Variants in KLHL1 observed in about 807,000 individuals in gnomAD.
KLHL1 encodes kelch like family member 1.
A neutral mutation model predicts 77.7 loss-of-function variants in KLHL1; 47 were observed. The ratio of observed to expected loss-of-function variants is 0.60; its 90% CI spans 0.48 to 0.77. The LOEUF (loss-of-function observed/expected upper bound fraction) is 0.77, where lower values mean the gene tolerates loss of function less well. KLHL1 is among the 30% of genes least tolerant of loss of function. The pLI, the probability that KLHL1 is intolerant of heterozygous loss-of-function variation, is 0.00. For synonymous variants in KLHL1, 360 were observed against 325.2 expected (o/e 1.11, Z -1.15); for missense variants, 925 against 910.8 (o/e 1.02, Z -0.20).
chr13:70,009,881 C>A (rs796274277), intron 1 of KLHL1, among the ~76,000 whole-genome samples: 10 of 151,410 alleles, frequency 6.6e-5, no homozygotes, highest in East Asian at 1.9e-4. Flanking sequence ...AGAAAAAAAA[C>A]CAAGTTGTGA....
intron 9 of KLHL1, among the ~76,000 whole-genome samples, chr13:69,710,334 T>G (rs1031439192): frequency 2.1e-4 from 32 of 152,024 alleles, no homozygotes; most frequent in African/African-American, 7.2e-4. Context: ...TTAATGCGTT[T>G]GTTGGAAAAT....
Position 70,038,579 on chromosome 13 carries a change from TAA to T in KLHL1, c.498-62779_498-62778del, listed in dbSNP as rs1478959477. 1.1e-3 allele frequency among the ~76,000 whole-genome samples: 140 copies of T among 125,402 alleles called. 4 individuals carry two copies. The East Asian group carries it at 0.028, about 25-fold the overall frequency. The allele number at this position is 125,402 out of a possible 152,430, so 82.3% of individuals were successfully genotyped here. On this transcript the variant is annotated intron_variant, in intron 1 of 10. Transcript: ENST00000377844. The stretch of plus-strand genomic sequence containing the variant: ...CTTTGCCAGCATTTGGGATTGTCAT[TAA>T]TTTTTTTTTTTTTTTTTTTTTTTTG...
At chr13:70,003,386 T>C (rs1451406193) in intron 1 of KLHL1, among the ~76,000 whole-genome samples, 1 of 151,736 alleles carries the variant, frequency 6.6e-6, no homozygotes, top group Non-Finnish European at 1.5e-5. Context: ...GTGTGGAGTT[T>C]AGAGGAGAAA....
intron 6 of KLHL1, among the ~76,000 whole-genome samples, chr13:69,814,025 C>T (rs1277753126): frequency 2.0e-5 from 3 of 152,086 alleles, no homozygotes; most frequent in African/African-American, 7.2e-5. Context: ...ACCAAAACAG[C>T]ATGGCACTAG....
chr13:69,831,404 T>C (rs1394125639), intron 6 of KLHL1, among the ~76,000 whole-genome samples: 2 of 149,508 alleles, frequency 1.3e-5, no homozygotes, highest in Admixed American at 6.7e-5. Context: ...CAGGAAGAAA[T>C]AGAAACTCTG....
chr13:69,992,384 T>C (rs1885048691), intron 1 of KLHL1, among the ~76,000 whole-genome samples: 1 of 151,974 alleles, frequency 6.6e-6, no homozygotes, highest in African/African-American at 2.4e-5. Context: ...TGATAAGTGC[T>C]GACATAATAT....
chr13:70,086,286 A>AC (rs1887534568), intron 1 of KLHL1, among the ~76,000 whole-genome samples: 1 of 151,462 alleles, frequency 6.6e-6, no homozygotes, highest in Non-Finnish European at 1.5e-5. Flanking sequence ...AGTTTCAAAA[A>AC]AAAAAAGTAG....
intron 1 of KLHL1, among the ~76,000 whole-genome samples, chr13:69,981,004 C>T (rs17086090): frequency 0.15 from 23,165 of 152,036 alleles, 3,757 homozygotes; most frequent in African/African-American, 0.41. Flanking sequence ...ATAGCTACCA[C>T]TAAATAAACA....
chr13:69,707,111 G>A (rs1875662089), intron 10 of KLHL1, among the ~76,000 whole-genome samples: 1 of 151,874 alleles, frequency 6.6e-6, no homozygotes, highest in Non-Finnish European at 1.5e-5. Flanking sequence ...AATTGAACTG[G>A]GATTTTTAAA....
chr13:69,919,099 T>C (rs932937275), intron 4 of KLHL1, among the ~76,000 whole-genome samples: 4 of 152,198 alleles, frequency 2.6e-5, no homozygotes, highest in Non-Finnish European at 5.9e-5. Flanking sequence ...AATGGTCTAA[T>C]TCGGCATTTT....
At chr13:69,963,041 A>T (rs1335490139) in intron 2 of KLHL1, among the ~76,000 whole-genome samples, 1 of 152,052 alleles carries the variant, frequency 6.6e-6, no homozygotes, top group Non-Finnish European at 1.5e-5. Flanking sequence ...TTAGAGCCTA[A>T]CATTTATTTG....
intron 5 of KLHL1, among the ~76,000 whole-genome samples, chr13:69,857,999 A>G (rs1284049128): frequency 6.6e-6 from 1 of 152,114 alleles, no homozygotes; most frequent in Non-Finnish European, 1.5e-5. Context: ...GAATTTAAAC[A>G]ATAACTGGTT....
In KLHL1 at chr13:69,749,938, T is replaced by A. The variant is rs572163761; in HGVS notation, c.1640-9382A>T. On this transcript the variant is annotated intron_variant, in intron 7 of 10. Coordinates refer to ENST00000377844, the MANE Select transcript of KLHL1 (RefSeq NM_020866.3). ...AAAGGGTTTTAATTATGCAAAATAA[T>A]AACAATGAAAAGCTAATTTTTAGTA... is the stretch of plus-strand genomic sequence containing the variant. Among the ~76,000 whole-genome samples the A allele has an allele frequency of 2.0e-4, 31 of 152,044 alleles. 1 individual carries two copies. Among genetic ancestry groups the A allele is most frequent in the South Asian group, 1.0e-3 (5 of 4,832 alleles).
chr13:69,923,007 A>G (rs1270508021), intron 4 of KLHL1, among the ~76,000 whole-genome samples: 1 of 152,222 alleles, frequency 6.6e-6, no homozygotes, highest in East Asian at 1.9e-4. Context: ...TACATAATGA[A>G]TTATTTAAAG....
At chr13:69,733,302 T>C (rs1593782398) in intron 8 of KLHL1, among the ~76,000 whole-genome samples, 1 of 152,140 alleles carries the variant, frequency 6.6e-6, no homozygotes, top group African/African-American at 2.4e-5. Flanking sequence ...AAATAATATC[T>C]ATTGAATTTT....
chr13:70,105,164 T>C (rs1048882373), intron 1 of KLHL1, among the ~76,000 whole-genome samples: 1 of 152,028 alleles, frequency 6.6e-6, no homozygotes, highest in Non-Finnish European at 1.5e-5. Flanking sequence ...AAAGATGATT[T>C]TGGTTGGTAG....
chr13:70,061,497 G>T (rs1333658570), intron 1 of KLHL1, among the ~76,000 whole-genome samples: 1 of 152,060 alleles, frequency 6.6e-6, no homozygotes, highest in African/African-American at 2.4e-5. Context: ...AGCATATTGT[G>T]CTCACTCTCT....
chr13:69,996,661 T>C (rs1251295876), intron 1 of KLHL1, among the ~76,000 whole-genome samples: 1 of 152,070 alleles, frequency 6.6e-6, no homozygotes, highest in Admixed American at 6.6e-5. Flanking sequence ...ACTCTCCTTT[T>C]CCATATATTT....
At chr13:69,735,539 G>A (rs1445810860) in intron 8 of KLHL1, among the ~76,000 whole-genome samples, 1 of 149,122 alleles carries the variant, frequency 6.7e-6, no homozygotes, top group Non-Finnish European at 1.5e-5. Context: ...ATTTAATTAT[G>A]TAATTATTAA....
Sources: allele counts gnomAD v4.1 joint callset (sites outside exome capture counted in the v4.1 genomes callset), GRCh38; gene constraint gnomAD v4.1.1; transcripts MANE v1.5; gene names NCBI Gene and HGNC (gene_info 2026-07-23, HGNC 2026-07-21).